CDK14: variants seen among roughly 807,000 people sequenced by gnomAD.
CDK14 encodes cyclin dependent kinase 14, also known as cyclin-dependent kinase 14.
In CDK14, 34 loss-of-function variants were observed where a neutral mutation model predicts 60.7. The observed-to-expected ratio is 0.56, with a 90% CI of 0.43 to 0.75. CDK14 has a LOEUF of 0.75. Among genes scored for constraint, CDK14 ranks in the 30% least tolerant of loss-of-function variants. The pLI is 0.00. For missense variants in CDK14, 482 were observed against 564.1 expected (o/e 0.85, Z 1.47); for synonymous variants, 197 against 203.7 (o/e 0.97, Z 0.28).
chr7:91,056,050 C>T (rs1459348122), intron 11 of CDK14, among the ~76,000 whole-genome samples: 3 of 152,118 alleles, frequency 2.0e-5, no homozygotes, highest in Admixed American at 6.6e-5. Context: ...ACTTTTAGGT[C>T]CCTTTCCAAA....
intron 14 of CDK14, among the ~76,000 whole-genome samples, chr7:91,161,929 A>C (rs1453495935): frequency 6.6e-6 from 1 of 152,232 alleles, no homozygotes; most frequent in Non-Finnish European, 1.5e-5. Context: ...CATGAAATTT[A>C]AGTACATTTT....
chr7:90,884,231 CA>C (rs1215941377), intron 6 of CDK14, among the ~76,000 whole-genome samples: 1 of 152,140 alleles, frequency 6.6e-6, no homozygotes, highest in Non-Finnish European at 1.5e-5. Flanking sequence ...GCAACTTCAG[CA>C]AAGTCTCAGA....
chr7:91,162,091 C>T (rs1031070374), intron 14 of CDK14, among the ~76,000 whole-genome samples: 3 of 152,198 alleles, frequency 2.0e-5, no homozygotes, highest in Non-Finnish European at 2.9e-5. Context: ...AAGAGAGGCA[C>T]ATAAAAGTGT....
Position 90,618,073 on chromosome 7 carries a change from C to T in CDK14, c.123+13824C>T, listed in dbSNP as rs114648426. 5.6e-3 allele frequency among the ~76,000 whole-genome samples: 851 copies of T among 152,254 alleles called. 13 individuals are homozygous for T. The highest frequency in any genetic ancestry group is 0.02 in the African/African-American group (812 of 41,534). ...AGATAATAAATTCATTCATTTTCTT[C>T]GAATCCTGAATATATACACTTGGAT... On this transcript the variant is annotated intron_variant, in intron 2 of 14. Transcript: ENST00000380050.
chr7:90,936,202 A>G (rs776578257), intron 8 of CDK14, among the ~76,000 whole-genome samples: 4 of 152,340 alleles, frequency 2.6e-5, no homozygotes, highest in Non-Finnish European at 4.4e-5. Context: ...TTAACAATAT[A>G]TAAATTGCAT....
intron 8 of CDK14, among the ~76,000 whole-genome samples, chr7:90,926,963 G>A (rs982451217): frequency 1.1e-4 from 17 of 152,204 alleles, no homozygotes; most frequent in African/African-American, 4.1e-4. Context: ...GGATACAACT[G>A]GGGAACAGCC....
At chr7:90,948,755 C>G (rs960997547) in intron 8 of CDK14, among the ~76,000 whole-genome samples, 43 of 152,186 alleles carry the variant, frequency 2.8e-4, no homozygotes, top group African/African-American at 9.7e-4. Context: ...GATCTCAGGC[C>G]CCTCATCATA....
chr7:91,038,026 C>T (rs559851198), intron 10 of CDK14, among the ~76,000 whole-genome samples: 6 of 152,270 alleles, frequency 3.9e-5, no homozygotes, highest in East Asian at 1.9e-4. Flanking sequence ...GCTGAGCAGT[C>T]GCTGCTCTCT....
intron 2 of CDK14, among the ~76,000 whole-genome samples, chr7:90,697,751 T>C (rs1801691239): frequency 6.6e-6 from 1 of 152,064 alleles, no homozygotes; most frequent in South Asian, 2.1e-4. Context: ...AAATAACTTT[T>C]CCAAGTAATT....
intron 4 of CDK14, among the ~76,000 whole-genome samples, chr7:90,764,445 C>T (rs1052631560): frequency 1.3e-5 from 2 of 152,254 alleles, no homozygotes; most frequent in Non-Finnish European, 1.5e-5. Flanking sequence ...GAGTTTTAGT[C>T]AAATGCTCCC....
At chr7:91,102,507 G>A (rs1799173590) in intron 12 of CDK14, among the ~76,000 whole-genome samples, 1 of 151,958 alleles carries the variant, frequency 6.6e-6, no homozygotes, top group Non-Finnish European at 1.5e-5. Flanking sequence ...CCAGTGGAGA[G>A]TTTTATAGAG....
At chr7:90,715,655 AC>A (rs1283988176) in intron 2 of CDK14, among the ~76,000 whole-genome samples, 5 of 98,276 alleles carry the variant, frequency 5.1e-5, no homozygotes, top group Non-Finnish European at 9.3e-5. Flanking sequence ...GCAGGAATAG[AC>A]CTTTTTTTTT....
rs547614777 is a variant in CDK14 at position 91,036,330 on chromosome 7, C to T, written c.1042-9567C>T. Among the ~76,000 whole-genome samples, 90 of 152,292 alleles carry T rather than the reference C, an allele frequency of 5.9e-4. 1 individual carries two copies. Among genetic ancestry groups the T allele is most frequent in the South Asian group, 3.9e-3 (19 of 4,828 alleles). On this transcript the variant is annotated intron_variant, in intron 10 of 14. Transcript: ENST00000380050. ...GTTCCTTGCCTTCAGGCCTTCCCAACGTGGCTGCTTGCTTCCTCAAAGCCA... is the reference window on the plus strand; with the variant it reads ...GTTCCTTGCCTTCAGGCCTTCCCAATGTGGCTGCTTGCTTCCTCAAAGCCA...
At chr7:90,677,747 G>A (rs1801230990) in intron 2 of CDK14, among the ~76,000 whole-genome samples, 1 of 152,026 alleles carries the variant, frequency 6.6e-6, no homozygotes, top group African/African-American at 2.4e-5. Flanking sequence ...ATGTTTTGGT[G>A]TCTAAAATGA....
At chr7:91,045,094 G>T (rs1797195643) in intron 10 of CDK14, among the ~76,000 whole-genome samples, 1 of 152,138 alleles carries the variant, frequency 6.6e-6, no homozygotes, top group African/African-American at 2.4e-5. Context: ...TGTCTTCAGA[G>T]CCTGGCCTCT....
At chr7:91,176,216 A>G (rs1801747582) in intron 14 of CDK14, among the ~76,000 whole-genome samples, 1 of 152,212 alleles carries the variant, frequency 6.6e-6, no homozygotes, top group Non-Finnish European at 1.5e-5. Context: ...ACTACTGGGT[A>G]CATAATGAAA....
At chr7:90,924,925 A>T (rs1370132886) in intron 8 of CDK14, among the ~76,000 whole-genome samples, 1 of 152,138 alleles carries the variant, frequency 6.6e-6, no homozygotes, top group Non-Finnish European at 1.5e-5. Context: ...TAAACTTAGG[A>T]TATTAGGACT....
intron 11 of CDK14, among the ~76,000 whole-genome samples, chr7:91,069,150 G>A (rs973685513): frequency 1.3e-5 from 2 of 152,026 alleles, no homozygotes; most frequent in Non-Finnish European, 2.9e-5. Context: ...TTTTCTTTTT[G>A]TTCTTCTTAT....
At chr7:91,141,979 T>C (rs891871307) in intron 14 of CDK14, among the ~76,000 whole-genome samples, 7 of 151,902 alleles carry the variant, frequency 4.6e-5, no homozygotes, top group African/African-American at 1.7e-4. Context: ...GCGTCCACCG[T>C]CACGCCCGGC....
Sources: gnomAD v4.1 joint callset for allele counts (sites outside exome capture counted in the v4.1 genomes callset) on GRCh38, gnomAD v4.1.1 for gene constraint, MANE v1.5 for transcripts, NCBI Gene and HGNC (gene_info 2026-07-23, HGNC 2026-07-21) for gene names.